Variants in RALYL observed in about 807,000 individuals in gnomAD.
RALYL encodes the protein RNA-binding Raly-like protein.
In RALYL, 29 loss-of-function variants were observed where a neutral mutation model predicts 35.1. The observed-to-expected ratio is 0.83, with a 90% CI of 0.61 to 1.13. The LOEUF is 1.13. RALYL is among the 50% of genes most tolerant of loss of function. The pLI is 0.00. For missense variants in RALYL, 359 were observed against 360.4 expected, an observed-to-expected ratio of 1.00 and a Z score of 0.03; for synonymous variants, 120 against 127.6, an observed-to-expected ratio of 0.94 and a Z score of 0.40.
At chr8:84,870,901 T>C (rs1339251182) in intron 6 of RALYL, among the ~76,000 whole-genome samples, 1 of 152,128 alleles carries the variant, frequency 6.6e-6, no homozygotes, top group Non-Finnish European at 1.5e-5. Flanking sequence ...CACTGAGATA[T>C]TGAAGTGTGA....
chr8:84,753,983 GTTGT>G (rs751891212), intron 2 of RALYL, among the ~76,000 whole-genome samples: 4 of 151,924 alleles, frequency 2.6e-5, no homozygotes, highest in Non-Finnish European at 5.9e-5. Flanking sequence ...TTTTGATGGG[GTTGT>G]TTGTTTTTTT....
intron 2 of RALYL, among the ~76,000 whole-genome samples, chr8:84,742,368 T>C (rs535244368): frequency 6.6e-6 from 1 of 152,032 alleles, no homozygotes; most frequent in African/African-American, 2.4e-5. Flanking sequence ...TAGCAAATAT[T>C]AGACAATTGC....
At chr8:84,891,437 C>T (rs1200947576) in intron 8 of RALYL, among the ~76,000 whole-genome samples, 1 of 152,100 alleles carries the variant, frequency 6.6e-6, no homozygotes, top group Non-Finnish European at 1.5e-5. Context: ...TTCCTAGGAG[C>T]AATATGTCTG....
At chr8:84,491,757 A>G (rs2055336211) in intron 1 of RALYL, among the ~76,000 whole-genome samples, 1 of 152,016 alleles carries the variant, frequency 6.6e-6, no homozygotes, top group African/African-American at 2.4e-5. Context: ...ATAGTTTCCT[A>G]CTATCAGAAT....
intron 2 of RALYL, among the ~76,000 whole-genome samples, chr8:84,764,865 AAAC>A (rs756244779): frequency 2.0e-5 from 3 of 152,232 alleles, no homozygotes; most frequent in Admixed American, 6.5e-5. Flanking sequence ...GTGAAGGGAA[AAAC>A]AACAACATTA....
chr8:84,210,190 G>A (rs556607166), intron 1 of RALYL, among the ~76,000 whole-genome samples: 3 of 151,622 alleles, frequency 2.0e-5, no homozygotes, highest in East Asian at 1.9e-4. Flanking sequence ...AATTACACAA[G>A]CTTAATAATA....
chr8:84,908,761 A>C (rs1846976516), intron 8 of RALYL, among the ~76,000 whole-genome samples: 1 of 152,042 alleles, frequency 6.6e-6, no homozygotes, highest in South Asian at 2.1e-4. Context: ...CATCTCCCCA[A>C]AACCCCCGGG....
At chr8:84,640,448 CATCAGAAGATTGTGTT>C (rs1826068343) in intron 2 of RALYL, among the ~76,000 whole-genome samples, 1 of 151,908 alleles carries the variant, frequency 6.6e-6, no homozygotes, top group African/African-American at 2.4e-5. Flanking sequence ...TTTAATCAGA[CATCAGAAGATTGTGTT>C]AAGATTATGA....
At chr8:84,738,060 A>T (rs1847639430) in intron 2 of RALYL, among the ~76,000 whole-genome samples, 1 of 152,034 alleles carries the variant, frequency 6.6e-6, no homozygotes, top group Admixed American at 6.6e-5. Flanking sequence ...CCCTTCAGGA[A>T]CTTACAACCA....
chr8:84,620,125 A>G (rs1820966998), intron 2 of RALYL, among the ~76,000 whole-genome samples: 1 of 151,966 alleles, frequency 6.6e-6, no homozygotes, highest in Non-Finnish European at 1.5e-5. Flanking sequence ...TATTTCCTGA[A>G]TCTGAATGTT....
intron 1 of RALYL, among the ~76,000 whole-genome samples, chr8:84,452,000 T>C (rs571304921): frequency 1.2e-4 from 18 of 152,086 alleles, no homozygotes; most frequent in African/African-American, 4.1e-4. Flanking sequence ...GGCTGATGTT[T>C]ATTACAGACC....
intron 1 of RALYL, among the ~76,000 whole-genome samples, chr8:84,342,482 C>G (rs1341532556): frequency 6.6e-6 from 1 of 150,712 alleles, no homozygotes; most frequent in Non-Finnish European, 1.5e-5. Flanking sequence ...TTGAGCAAAC[C>G]AAAAGCTTTG....
At chr8:84,851,397 G>A (rs143821532) in intron 5 of RALYL, among the ~76,000 whole-genome samples, 37 of 152,106 alleles carry the variant, frequency 2.4e-4, no homozygotes, top group Admixed American at 7.9e-4. Flanking sequence ...TTGTGTTGTC[G>A]GAGAACTGGT....
At chr8:84,845,481 T>A (rs1834444095) in intron 4 of RALYL, among the ~76,000 whole-genome samples, 1 of 152,212 alleles carries the variant, frequency 6.6e-6, no homozygotes, top group Non-Finnish European at 1.5e-5. Context: ...TTTTAAGAAG[T>A]GTCTGTTCAT....
At chr8:84,894,311 T>C (rs545628516) in intron 8 of RALYL, among the ~76,000 whole-genome samples, 1 of 152,344 alleles carries the variant, frequency 6.6e-6, no homozygotes, top group East Asian at 1.9e-4. Flanking sequence ...AAACAAGAAC[T>C]GTGAGACATG....
At chr8:84,196,755 T>A (rs894276833) in intron 1 of RALYL, among the ~76,000 whole-genome samples, 1 of 152,230 alleles carries the variant, frequency 6.6e-6, no homozygotes. Flanking sequence ...TTAAATACTC[T>A]CTGATCATTT....
intron 4 of RALYL, among the ~76,000 whole-genome samples, chr8:84,837,181 C>G (rs1428231437): frequency 6.6e-6 from 1 of 152,162 alleles, no homozygotes; most frequent in Non-Finnish European, 1.5e-5. Flanking sequence ...AACTTACGGT[C>G]AACTGTGTAT....
chr8:84,445,316 C>T (rs1447517406), intron 1 of RALYL, among the ~76,000 whole-genome samples: 1 of 152,016 alleles, frequency 6.6e-6, no homozygotes. Flanking sequence ...CAGGAAGTTA[C>T]ATGACTTTAT....
intron 2 of RALYL, among the ~76,000 whole-genome samples, chr8:84,539,088 G>T (rs12156226): frequency 6.6e-6 from 1 of 152,150 alleles, no homozygotes; most frequent in African/African-American, 2.4e-5. Context: ...GTTTGTGAAA[G>T]TTGGTGGTTT....
Sources: gnomAD v4.1 joint callset for allele counts (sites outside exome capture counted in the v4.1 genomes callset) on GRCh38, gnomAD v4.1.1 for gene constraint, MANE v1.5 for transcripts, NCBI Gene and HGNC (gene_info 2026-07-23, HGNC 2026-07-21) for gene names.